The following SIDT1 variants were observed in gnomAD, a reference collection of about 807,000 sequenced individuals.
SIDT1 encodes SID1 transmembrane family, member 1.
A neutral mutation model predicts 107.5 loss-of-function variants in SIDT1; 101 were observed. The ratio of observed to expected loss-of-function variants is 0.94; its 90% CI spans 0.80 to 1.11. The LOEUF (loss-of-function observed/expected upper bound fraction) is 1.11. Ranked by LOEUF, SIDT1 falls within the 50% of genes least tolerant of loss-of-function variation. The pLI is 0.00. For missense variants in SIDT1, 1,076 were observed against 1,058.2 expected (o/e 1.02, Z -0.23); for synonymous variants, 395 against 398.2 (o/e 0.99, Z 0.10).
intron 1 of SIDT1, among the ~76,000 whole-genome samples, chr3:113,547,793 T>G (rs1222616136): frequency 1.3e-5 from 2 of 152,092 alleles, no homozygotes; most frequent in Non-Finnish European, 2.9e-5. Context: ...AAATCATAAT[T>G]TTAAGAAACT....
intron 7 of SIDT1, among the ~76,000 whole-genome samples, chr3:113,583,805 T>C (rs949677033): frequency 6.6e-6 from 1 of 152,196 alleles, no homozygotes; most frequent in African/African-American, 2.4e-5. Flanking sequence ...TACCATGAAG[T>C]AATGATCTTA....
chr3:113,592,147 T>C (rs755384424), intron 9 of SIDT1, among the ~76,000 whole-genome samples: 15 of 152,068 alleles, frequency 9.9e-5, no homozygotes, highest in African/African-American at 1.4e-4. Context: ...GAGTGGGGAA[T>C]GGGGAGTGAC....
downstream of SIDT1, among the ~76,000 whole-genome samples, chr3:113,631,272 G>T (rs541521298): frequency 2.0e-5 from 3 of 152,068 alleles, no homozygotes; most frequent in South Asian, 6.2e-4. Context: ...TTCCCACCCT[G>T]ATTACCAAAC....
At chr3:113,613,703 A>T (rs552031285) in intron 19 of SIDT1, among the ~76,000 whole-genome samples, 1 of 152,338 alleles carries the variant, frequency 6.6e-6, no homozygotes, top group African/African-American at 2.4e-5. Flanking sequence ...AATTGGGAGC[A>T]TTGTTGTTCT....
rs770976616 is a variant in SIDT1 at position 113,608,264 on chromosome 3, A to G, written c.1602+47A>G. On this transcript the variant is annotated intron_variant, in intron 16 of 24. Coordinates refer to ENST00000264852, the MANE Select transcript of SIDT1 (RefSeq NM_017699.3). ...GCTAGGAAGGGTTATGGATCCAAACAGGATCTGCAAAGGGGTGGGACATCT... is the reference window on the plus strand; with the variant it reads ...GCTAGGAAGGGTTATGGATCCAAACGGGATCTGCAAAGGGGTGGGACATCT... The G allele has an allele frequency of 6.4e-6, 10 of 1,556,520 alleles. No homozygotes were observed. The South Asian group carries it at 1.2e-4, about 19-fold the overall frequency.
chr3:113,615,184 G>A (rs1172187103), intron 19 of SIDT1: 20 of 1,229,268 alleles, frequency 1.6e-5, no homozygotes, highest in Middle Eastern at 1.8e-4. Context: ...TTCAGGCCGG[G>A]CAGACTCCGT....
rs766824795 is a variant in SIDT1 at position 113,627,916 on chromosome 3, C to T, written c.*208C>T. On this transcript the variant is annotated 3_prime_UTR_variant, in exon 25 of 25. Coordinates refer to ENST00000264852, the MANE Select transcript of SIDT1 (RefSeq NM_017699.3). ...AGGGGAGCCATGTTTTGAGGACAGA[C>T]GCAAACCTGAGGAGCTGAGAAACAC... 4.3e-5 allele frequency: 25 copies of T among 578,124 alleles called. 1 individual carries two copies. Among genetic ancestry groups the T allele is most frequent in the South Asian group, 6.3e-5 (3 of 47,918 alleles). The allele number at this position is 578,124 out of a possible 1,614,324, so 35.8% of individuals were successfully genotyped here. A position where few individuals can be genotyped will look rare whatever the true frequency, so the allele number is the denominator to read the frequency against.
intron 21 of SIDT1, among the ~76,000 whole-genome samples, chr3:113,620,913 CG>C (rs1560141478): frequency 6.6e-6 from 1 of 152,140 alleles, no homozygotes; most frequent in African/African-American, 2.4e-5. Flanking sequence ...ACCACATCCA[CG>C]ATCTGCTCAC....
At chr3:113,620,765 C>G (rs1177038420) in intron 21 of SIDT1, among the ~76,000 whole-genome samples, 2 of 152,218 alleles carry the variant, frequency 1.3e-5, no homozygotes, top group African/African-American at 4.8e-5. Context: ...TTCTAGCAGA[C>G]TCCACAGTCC....
At position 113,568,447 on chromosome 3, in the gene SIDT1, AGCCAG is replaced by A. The variant is rs1374896027; in HGVS notation, c.515+740_515+744del. Among the ~76,000 whole-genome samples, 14 of 152,140 alleles carry A rather than the reference AGCCAG, an allele frequency of 9.2e-5. 1 individual carries two copies. Among genetic ancestry groups the A allele is most frequent in the South Asian group, 4.2e-4 (2 of 4,808 alleles). ...ATCTCTACTAAAAATACAAAAAATT[AGCCAG>A]GCACGGTGGCGGGCACCTGTAATCC... On this transcript the variant is annotated intron_variant, in intron 3 of 24. Transcript: ENST00000264852.
Position 113,626,160 on chromosome 3 carries a change from A to T in SIDT1, c.2366A>T (p.Asp789Val). Reference sequence around the variant, plus strand: ...GAGTGCATTCTGCTGGATTTCTTCGATGACCATGACATCTGGCACTTCCTC... The same window carrying T: ...GAGTGCATTCTGCTGGATTTCTTCGTTGACCATGACATCTGGCACTTCCTC... Reference protein sequence around the residue: ...NRECILLDFFDDHDIWHFLSA... With the variant: ...NRECILLDFFVDHDIWHFLSA... The change falls in exon 24 of 25, where the codon GAT becomes GTT. Residue 789 changes from aspartate to valine, a missense_variant. By Grantham distance (152) the Asp-to-Val change is radical. Coordinates refer to ENST00000264852, the MANE Select transcript of SIDT1 (RefSeq NM_017699.3). 2 of 1,614,090 alleles carry T rather than the reference A, an allele frequency of 1.2e-6. No individual in the cohort carries two copies. Among genetic ancestry groups the T allele is most frequent in the Non-Finnish European group, 1.7e-6 (2 of 1,180,000 alleles).
At chr3:113,538,846 A>T (rs1014954656) in intron 1 of SIDT1, among the ~76,000 whole-genome samples, 4 of 152,178 alleles carry the variant, frequency 2.6e-5, no homozygotes, top group Admixed American at 2.0e-4. Flanking sequence ...AATATATCCA[A>T]TTTATGTTTT....
chr3:113,600,190 G>A (rs1035902654), intron 10 of SIDT1, among the ~76,000 whole-genome samples: 2 of 151,930 alleles, frequency 1.3e-5, no homozygotes, highest in Non-Finnish European at 2.9e-5. Flanking sequence ...TGCACCTGTA[G>A]TCCCAGCTAC....
At chr3:113,535,267 G>T (rs1937994860) in intron 1 of SIDT1, among the ~76,000 whole-genome samples, 1 of 144,202 alleles carries the variant, frequency 6.9e-6, no homozygotes, top group Non-Finnish European at 1.5e-5. Flanking sequence ...GTGATACCCT[G>T]TTTTTTCAAA....
intron 1 of SIDT1, among the ~76,000 whole-genome samples, chr3:113,553,379 C>T (rs775443502): frequency 4.6e-5 from 7 of 152,060 alleles, no homozygotes; most frequent in Non-Finnish European, 7.4e-5. Context: ...AGTGTCAGAT[C>T]ACAACACTTA....
chr3:113,607,276 C>G (rs1292987592), intron 15 of SIDT1, among the ~76,000 whole-genome samples, 162 bp downstream of exon 15: 3 of 152,188 alleles, frequency 2.0e-5, no homozygotes, highest in Admixed American at 2.0e-4. Context: ...TATGCTCCTC[C>G]CGTTCCTGTA....
chr3:113,607,709 A>T (rs1156259680), intron 15 of SIDT1, among the ~76,000 whole-genome samples: 4 of 152,204 alleles, frequency 2.6e-5, no homozygotes, highest in Non-Finnish European at 5.9e-5. Context: ...ACAATTAGAG[A>T]GCTGAACATT....
Position 113,609,586 on chromosome 3 carries a change from G to A in SIDT1, c.1720+1050G>A, listed in dbSNP as rs1220308304. On this transcript the variant is annotated intron_variant, in intron 17 of 24. Coordinates refer to ENST00000264852, the MANE Select transcript of SIDT1 (RefSeq NM_017699.3). ...GTTAATATTGAGATGTTATTAAGAA[G>A]GAAGAAAGGAAAAGCTGATGCTGTC... Among the ~76,000 whole-genome samples the A allele has an allele frequency of 3.3e-5, 5 of 152,266 alleles. 1 individual carries two copies. In the East Asian group the frequency reaches 9.6e-4, roughly 29 times the overall value.
intron 5 of SIDT1, among the ~76,000 whole-genome samples, chr3:113,581,071 C>G (rs918740435): frequency 6.6e-6 from 1 of 152,086 alleles, no homozygotes; most frequent in African/African-American, 2.4e-5. Flanking sequence ...ACATTCGGTT[C>G]TTTCTGTCTC....
Sources: allele counts gnomAD v4.1 joint callset (sites outside exome capture counted in the v4.1 genomes callset), GRCh38; gene constraint gnomAD v4.1.1; transcripts MANE v1.5; gene names NCBI Gene and HGNC (gene_info 2026-07-23, HGNC 2026-07-21).